MCC: variants seen among roughly 807,000 people sequenced by gnomAD.
The protein encoded by MCC is MCC regulator of Wnt signaling pathway, also known as colorectal mutant cancer protein.
MCC carries 90 observed loss-of-function variants against 116.2 expected under a neutral mutation model. That is an observed-to-expected ratio of 0.77 (90% CI 0.65 to 0.92). The LOEUF (loss-of-function observed/expected upper bound fraction) is 0.92, where lower values mean the gene tolerates loss of function less well. Among genes scored for constraint, MCC ranks in the 40% least tolerant of loss-of-function variants. MCC has a pLI of 0.00. For synonymous variants in MCC, 578 were observed against 510.5 expected, an observed-to-expected ratio of 1.13 and a Z score of -1.78; for missense variants, 1,516 against 1,312.2, an observed-to-expected ratio of 1.16 and a Z score of -2.40.
chr5:113,072,995 T>C (rs970009815), intron 11 of MCC, among the ~76,000 whole-genome samples: 4 of 152,122 alleles, frequency 2.6e-5, no homozygotes, highest in African/African-American at 9.7e-5. Context: ...CACTACATGC[T>C]AGACCAAGCT....
rs1185695551 is a variant in MCC, at chr5:113,423,885, A to G, written c.171-38673T>C. 2.6e-5 allele frequency among the ~76,000 whole-genome samples: 4 copies of G among 152,182 alleles called. No homozygotes were observed. The East Asian group carries it at 7.7e-4, about 29-fold the overall frequency. On this transcript the variant is annotated intron_variant, in intron 1 of 18. Transcript: ENST00000408903. ...TAAGGTTATCATCCTGAAATTGGGGAATTCAGGCGAAGTCCTCACGGAGAA... is the reference window on the plus strand; with the variant it reads ...TAAGGTTATCATCCTGAAATTGGGGGATTCAGGCGAAGTCCTCACGGAGAA...
At chr5:113,356,608 G>C (rs1010750101) in intron 2 of MCC, among the ~76,000 whole-genome samples, 1 of 152,074 alleles carries the variant, frequency 6.6e-6, no homozygotes, top group African/African-American at 2.4e-5. Context: ...GCCGGACACT[G>C]AGACATTTGC....
chr5:113,038,251 G>T (rs1359372485), intron 17 of MCC, among the ~76,000 whole-genome samples: 1 of 152,160 alleles, frequency 6.6e-6, no homozygotes, highest in East Asian at 1.9e-4. Flanking sequence ...AGCATATTTG[G>T]GTGGAGATGT....
At chr5:113,220,206 C>T (rs948963497) in intron 3 of MCC, among the ~76,000 whole-genome samples, 3 of 141,104 alleles carry the variant, frequency 2.1e-5, no homozygotes, top group African/African-American at 7.4e-5. Flanking sequence ...TACAGGCGCC[C>T]GCCACCACGC....
intron 17 of MCC, among the ~76,000 whole-genome samples, chr5:113,033,351 T>C (rs1437687169): frequency 6.6e-6 from 1 of 152,336 alleles, no homozygotes; most frequent in East Asian, 1.9e-4. Context: ...CTTTCTGAAT[T>C]TATATGCAAA....
At chr5:113,078,052 T>G (rs549329572) in intron 11 of MCC, among the ~76,000 whole-genome samples, 1 of 152,142 alleles carries the variant, frequency 6.6e-6, no homozygotes, top group Non-Finnish European at 1.5e-5. Flanking sequence ...CTAGAAAATC[T>G]AGAAGAAACA....
At chr5:113,073,742 C>G (rs894602606) in intron 11 of MCC, among the ~76,000 whole-genome samples, 7 of 151,796 alleles carry the variant, frequency 4.6e-5, no homozygotes, top group African/African-American at 1.7e-4. Context: ...AAAAATTAAC[C>G]TTCTCTGGGG....
chr5:113,190,183 A>G (rs1392782800), intron 3 of MCC, among the ~76,000 whole-genome samples: 1 of 152,240 alleles, frequency 6.6e-6, no homozygotes, highest in Non-Finnish European at 1.5e-5. Flanking sequence ...AACTAAGTCC[A>G]TAGCTAATAG....
At chr5:113,090,091 C>T (rs1424922533) in intron 8 of MCC, among the ~76,000 whole-genome samples, 1 of 151,850 alleles carries the variant, frequency 6.6e-6, no homozygotes, top group Non-Finnish European at 1.5e-5. Flanking sequence ...GGATAAGGTC[C>T]AGGAAGGAGG....
chr5:113,431,772 G>C (rs1302349698), intron 1 of MCC, among the ~76,000 whole-genome samples: 4 of 142,380 alleles, frequency 2.8e-5, no homozygotes, highest in Non-Finnish European at 6.3e-5. Flanking sequence ...AAGGGGGGGG[G>C]GGGGTGGATC....
chr5:113,468,416 C>T (rs1483929328), intron 1 of MCC, among the ~76,000 whole-genome samples: 1 of 152,156 alleles, frequency 6.6e-6, no homozygotes, highest in Non-Finnish European at 1.5e-5. Flanking sequence ...TGTCAAAGGC[C>T]TTTTCTGCAT....
intron 3 of MCC, among the ~76,000 whole-genome samples, chr5:113,203,879 A>G (rs1762798098): frequency 6.6e-6 from 1 of 152,212 alleles, no homozygotes; most frequent in South Asian, 2.1e-4. Context: ...ATAATAATTT[A>G]TAAGAAGGCT....
At chr5:113,275,423 A>C (rs1051331997) in intron 3 of MCC, among the ~76,000 whole-genome samples, 6 of 152,232 alleles carry the variant, frequency 3.9e-5, no homozygotes, top group African/African-American at 1.4e-4. Context: ...TCACCATTAA[A>C]ATACAGAAAC....
At chr5:113,129,976 C>A (rs1758326438) in intron 5 of MCC, among the ~76,000 whole-genome samples, 1 of 152,140 alleles carries the variant, frequency 6.6e-6, no homozygotes, top group African/African-American at 2.4e-5. Context: ...CCAGCAATCC[C>A]ATTACTGGGT....
intron 16 of MCC, among the ~76,000 whole-genome samples, chr5:113,046,231 C>T (rs1360545739): frequency 6.6e-6 from 1 of 151,572 alleles, no homozygotes; most frequent in South Asian, 2.1e-4. Context: ...CTGACTCTGT[C>T]GCCCAGGCTG....
intron 14 of MCC, among the ~76,000 whole-genome samples, chr5:113,055,590 G>T (rs113679641): frequency 2.6e-5 from 4 of 152,152 alleles, no homozygotes; most frequent in African/African-American, 9.7e-5. Context: ...AAACCCTTTG[G>T]GGCTGCGTCT....
intron 3 of MCC, among the ~76,000 whole-genome samples, chr5:113,222,905 G>A (rs1763603130): frequency 6.6e-6 from 1 of 152,152 alleles, no homozygotes; most frequent in South Asian, 2.1e-4. Flanking sequence ...GCTCTCCTGT[G>A]GGTATGATAC....
At chr5:113,415,821 A>G (rs901278200) in intron 1 of MCC, among the ~76,000 whole-genome samples, 1 of 152,076 alleles carries the variant, frequency 6.6e-6, no homozygotes, top group East Asian at 1.9e-4. Context: ...GCTGGCGAGG[A>G]GCTGTGATCC....
intron 3 of MCC, among the ~76,000 whole-genome samples, chr5:113,172,144 T>C (rs572040300): frequency 4.0e-4 from 61 of 152,240 alleles, no homozygotes; most frequent in South Asian, 2.3e-3. Context: ...TCATACCCAA[T>C]AGACACAGTT....
Sources: allele counts gnomAD v4.1 joint callset (sites outside exome capture counted in the v4.1 genomes callset), GRCh38; gene constraint gnomAD v4.1.1; transcripts MANE v1.5; gene names NCBI Gene and HGNC (gene_info 2026-07-23, HGNC 2026-07-21).